Variants in AGMO observed in about 807,000 individuals in gnomAD.
AGMO encodes the protein glyceryl-ether monooxygenase.
AGMO carries 75 observed loss-of-function variants against 60.2 expected under a neutral mutation model. The ratio of observed to expected loss-of-function variants is 1.25; its 90% CI spans 1.03 to 1.51. AGMO has a LOEUF of 1.51. Ranked by LOEUF, AGMO falls within the 40% of genes most tolerant of loss-of-function variation. AGMO has a pLI of 0.00. For missense variants in AGMO, 763 were observed against 525.5 expected, an observed-to-expected ratio of 1.45 and a Z score of -4.42; for synonymous variants, 261 against 177.1, an observed-to-expected ratio of 1.47 and a Z score of -3.76.
chr7:15,247,584 A>G (rs1399174157), intron 12 of AGMO, among the ~76,000 whole-genome samples: 1 of 152,080 alleles, frequency 6.6e-6, no homozygotes, highest in Non-Finnish European at 1.5e-5. Flanking sequence ...CCTCAAACAT[A>G]CACAGACACA....
intron 12 of AGMO, among the ~76,000 whole-genome samples, chr7:15,337,869 A>G (rs1781713027): frequency 6.6e-6 from 1 of 152,164 alleles, no homozygotes; most frequent in Non-Finnish European, 1.5e-5. Flanking sequence ...AACTGTGACT[A>G]GCAAAAGGAA....
chr7:15,375,830 A>C, intron 10 of AGMO, among the ~76,000 whole-genome samples: 1 of 152,180 alleles, frequency 6.6e-6, no homozygotes, highest in Non-Finnish European at 1.5e-5. Flanking sequence ...GTTATGATTT[A>C]AATTATGAGG....
chr7:15,182,050 A>G, the AGMO span, among the ~76,000 whole-genome samples: 1,219 of 152,322 alleles, frequency 8.0e-3, 19 homozygotes, highest in African/African-American at 0.028. Flanking sequence ...GGGAATTCTG[A>G]TACATCAGTA....
intron 2 of AGMO, among the ~76,000 whole-genome samples, chr7:15,545,480 T>C (rs1037203780): frequency 2.6e-5 from 4 of 151,870 alleles, no homozygotes; most frequent in Non-Finnish European, 5.9e-5. Context: ...TTATTTTCTC[T>C]TTCACACACA....
At chr7:15,464,858 C>T (rs1039749820) in intron 3 of AGMO, among the ~76,000 whole-genome samples, 1 of 152,120 alleles carries the variant, frequency 6.6e-6, no homozygotes, top group South Asian at 2.1e-4. Context: ...AGGAAAATAA[C>T]TCTTGAATAG....
At chr7:15,412,787 A>G (rs1055744498) in intron 5 of AGMO, among the ~76,000 whole-genome samples, 1 of 151,964 alleles carries the variant, frequency 6.6e-6, no homozygotes, top group Middle Eastern at 3.2e-3. Flanking sequence ...AAAAATCCCC[A>G]CATATCCTAA....
the AGMO span, among the ~76,000 whole-genome samples, chr7:15,182,494 C>T: frequency 1.3e-5 from 2 of 152,168 alleles, no homozygotes; most frequent in African/African-American, 4.8e-5. Flanking sequence ...CAGCTCATTG[C>T]AACCTCTGCC....
chr7:15,352,720 C>T (rs1312156587), intron 12 of AGMO, among the ~76,000 whole-genome samples: 1 of 151,746 alleles, frequency 6.6e-6, no homozygotes, highest in Admixed American at 6.6e-5. Flanking sequence ...CGTTGACGGT[C>T]TGCCAAATAT....
chr7:15,256,928 A>AAAAT (rs1269018245), intron 12 of AGMO, among the ~76,000 whole-genome samples: 2 of 152,192 alleles, frequency 1.3e-5, no homozygotes, highest in Admixed American at 6.5e-5. Flanking sequence ...GATACCAGAG[A>AAAAT]AAATAAATAA....
At position 15,300,541 on chromosome 7, in the gene AGMO, T is replaced by G. The variant is rs184863170; in HGVS notation, c.1263+64973A>C. On this transcript the variant is annotated intron_variant, in intron 12 of 12. Coordinates refer to ENST00000342526, the MANE Select transcript of AGMO (RefSeq NM_001004320.2). ...CAAGAAAATGCTTGCTACAGTTATT[T>G]TAAAACCCTTAAAGAGTGAAAGCAC... Among the ~76,000 whole-genome samples the G allele has an allele frequency of 4.6e-5, 7 of 152,274 alleles. No homozygotes were observed. The East Asian group carries it at 7.7e-4, about 17-fold the overall frequency.
At chr7:15,243,866 CTACTTGA>C (rs1563051746) in intron 12 of AGMO, among the ~76,000 whole-genome samples, 1 of 152,112 alleles carries the variant, frequency 6.6e-6, no homozygotes, top group Non-Finnish European at 1.5e-5. Flanking sequence ...CTCTAGGCAA[CTACTTGA>C]TACTTTCTAA....
chr7:15,413,360 C>T (rs1318029367), intron 5 of AGMO, among the ~76,000 whole-genome samples: 1 of 152,086 alleles, frequency 6.6e-6, no homozygotes, highest in Non-Finnish European at 1.5e-5. Flanking sequence ...ATACAGAATA[C>T]ACATGTAATT....
chr7:15,394,960 A>G (rs1171384770), intron 5 of AGMO, among the ~76,000 whole-genome samples: 5 of 152,202 alleles, frequency 3.3e-5, no homozygotes, highest in African/African-American at 9.6e-5. Flanking sequence ...TTCTGAGTCT[A>G]TAAATTCTAA....
rs1426642201 is a variant in AGMO at position 15,320,032 on chromosome 7, T to C, written c.1263+45482A>G. Among the ~76,000 whole-genome samples, 3 of 152,020 alleles carry C rather than the reference T, an allele frequency of 2.0e-5. No individual in the cohort carries two copies. The East Asian group carries it at 5.8e-4, about 29-fold the overall frequency. On this transcript the variant is annotated intron_variant, in intron 12 of 12. Transcript: ENST00000342526. ...AGGATAAAAAACCAAACACCGCATG[T>C]TGTTCTCACTCATAGGTGGGAATTG...
At chr7:15,517,891 C>T (rs756884067) in intron 3 of AGMO, among the ~76,000 whole-genome samples, 20 of 152,128 alleles carry the variant, frequency 1.3e-4, no homozygotes, top group Non-Finnish European at 2.6e-4. Context: ...GATCCCACCC[C>T]CATGGAGCCC....
At chr7:15,244,520 A>C (rs946279452) in intron 12 of AGMO, among the ~76,000 whole-genome samples, 1 of 152,212 alleles carries the variant, frequency 6.6e-6, no homozygotes, top group African/African-American at 2.4e-5. Flanking sequence ...GTCAATGCAA[A>C]GAACGCAAAT....
intron 3 of AGMO, among the ~76,000 whole-genome samples, chr7:15,472,462 T>G (rs1273511101): frequency 6.6e-6 from 1 of 151,848 alleles, no homozygotes; most frequent in Non-Finnish European, 1.5e-5. Context: ...TTCTAGCACA[T>G]AGAACAACTC....
Position 15,312,259 on chromosome 7 carries a change from G to C in AGMO, c.1263+53255C>G, listed in dbSNP as rs185683186. ...ACTGATATAAAAATACAATTTAATA[G>C]CTTCAAGAAGCCAGATGAATTCCAA... On this transcript the variant is annotated intron_variant, in intron 12 of 12. Coordinates refer to ENST00000342526, the MANE Select transcript of AGMO (RefSeq NM_001004320.2). Among the ~76,000 whole-genome samples the C allele has an allele frequency of 4.8e-3, 726 of 152,142 alleles. 6 individuals are homozygous for C. Among genetic ancestry groups the C allele is most frequent in the African/African-American group, 0.017 (685 of 41,510 alleles).
chr7:15,547,712 A>C (rs1018005811), intron 2 of AGMO, among the ~76,000 whole-genome samples: 6 of 152,054 alleles, frequency 3.9e-5, no homozygotes, highest in Non-Finnish European at 7.4e-5. Flanking sequence ...CTGAGATCAA[A>C]CTGCAAGGCG....
Sources: gnomAD v4.1 joint callset for allele counts (sites outside exome capture counted in the v4.1 genomes callset) on GRCh38, gnomAD v4.1.1 for gene constraint, MANE v1.5 for transcripts, NCBI Gene and HGNC (gene_info 2026-07-23, HGNC 2026-07-21) for gene names.